The following CNTN4 variants were observed in gnomAD, a reference collection of about 807,000 sequenced individuals.
The protein encoded by CNTN4 is contactin-4.
In CNTN4, 77 loss-of-function variants were observed where a neutral mutation model predicts 122.5. The observed-to-expected ratio is 0.63, with a 90% confidence interval of 0.52 to 0.76. The LOEUF (loss-of-function observed/expected upper bound fraction) is 0.76. Ranked by LOEUF, CNTN4 falls within the 30% of genes least tolerant of loss-of-function variation. The pLI, the probability that CNTN4 is intolerant of heterozygous loss-of-function variation, is 0.00. For missense variants in CNTN4, 1,256 were observed against 1,259.1 expected, an observed-to-expected ratio of 1.00 and a Z score of 0.04; for synonymous variants, 512 against 447.0, an observed-to-expected ratio of 1.15 and a Z score of -1.83.
intron 2 of CNTN4, among the ~76,000 whole-genome samples, chr3:2,324,853 G>A (rs901850386): frequency 6.6e-6 from 1 of 151,942 alleles, no homozygotes. Flanking sequence ...ATCATAAGGA[G>A]TGCTCCCCCC....
intron 2 of CNTN4, among the ~76,000 whole-genome samples, chr3:2,126,598 C>G (rs2034183335): frequency 6.6e-6 from 1 of 152,140 alleles, no homozygotes; most frequent in South Asian, 2.1e-4. Flanking sequence ...ATGGTGTTAG[C>G]TCCTTAGCAC....
At chr3:2,737,273 G>A (rs1045949527) in intron 5 of CNTN4, among the ~76,000 whole-genome samples, 18 of 151,822 alleles carry the variant, frequency 1.2e-4, no homozygotes, top group Admixed American at 4.6e-4. Flanking sequence ...TAGAGATGGG[G>A]TTTCACCATG....
At chr3:2,249,847 C>G (rs969758793) in intron 2 of CNTN4, among the ~76,000 whole-genome samples, 1 of 151,780 alleles carries the variant, frequency 6.6e-6, no homozygotes, top group Non-Finnish European at 1.5e-5. Context: ...ATTCTTATGC[C>G]TTATTTTCTA....
chr3:2,113,981 A>G (rs747981562), intron 2 of CNTN4, among the ~76,000 whole-genome samples: 92 of 152,350 alleles, frequency 6.0e-4, no homozygotes, highest in Non-Finnish European at 1.1e-3. Flanking sequence ...GCATATACAT[A>G]TGAAAAGGCA....
intron 4 of CNTN4, among the ~76,000 whole-genome samples, chr3:2,691,699 G>A (rs1012122235): frequency 1.2e-4 from 19 of 152,162 alleles, no homozygotes; most frequent in African/African-American, 4.6e-4. Flanking sequence ...ACAATAGCAT[G>A]TATGCATAAG....
intron 2 of CNTN4, among the ~76,000 whole-genome samples, chr3:2,197,512 G>A (rs2037902590): frequency 6.6e-6 from 1 of 152,178 alleles, no homozygotes; most frequent in South Asian, 2.1e-4. Context: ...TGTGGGGATA[G>A]GAGTTGCTTT....
intron 13 of CNTN4, among the ~76,000 whole-genome samples, chr3:2,961,454 G>A (rs2094858308): frequency 6.6e-6 from 1 of 152,072 alleles, no homozygotes; most frequent in Admixed American, 6.5e-5. Flanking sequence ...AATGGACAGT[G>A]TCTTGTACAG....
intron 7 of CNTN4, among the ~76,000 whole-genome samples, chr3:2,834,319 C>A (rs1019194445): frequency 1.3e-5 from 2 of 152,176 alleles, no homozygotes; most frequent in East Asian, 3.9e-4. Flanking sequence ...AATCCCAGCA[C>A]TTTGGGAGGC....
intron 6 of CNTN4, among the ~76,000 whole-genome samples, chr3:2,765,475 T>C (rs978553349): frequency 1.3e-5 from 2 of 152,208 alleles, no homozygotes; most frequent in African/African-American, 4.8e-5. Flanking sequence ...GTGAAGTACC[T>C]GGTCTGTAGT....
chr3:2,186,397 G>A (rs1213516767), intron 2 of CNTN4, among the ~76,000 whole-genome samples: 6 of 152,116 alleles, frequency 3.9e-5, no homozygotes, highest in Admixed American at 3.9e-4. Context: ...ACATACGTGT[G>A]CATGTGTGTT....
intron 2 of CNTN4, among the ~76,000 whole-genome samples, chr3:2,113,166 C>G (rs2033090893): frequency 6.6e-6 from 1 of 152,144 alleles, no homozygotes; most frequent in African/African-American, 2.4e-5. Context: ...GGTTGAGCAA[C>G]TGAAGCGGGT....
chr3:3,041,589 AG>A (rs1171278677), intron 20 of CNTN4, among the ~76,000 whole-genome samples: 1 of 152,174 alleles, frequency 6.6e-6, no homozygotes, highest in Admixed American at 6.5e-5. Context: ...CCCAAATTTC[AG>A]TTATTTTTGC....
At chr3:2,589,506 C>T (rs1413252634) in intron 4 of CNTN4, among the ~76,000 whole-genome samples, 2 of 152,182 alleles carry the variant, frequency 1.3e-5, no homozygotes, top group East Asian at 1.9e-4. Context: ...TTCCTTCCCT[C>T]CCACAAAGAT....
chr3:2,871,789 G>T (rs2150884789), intron 8 of CNTN4, among the ~76,000 whole-genome samples: 1 of 152,192 alleles, frequency 6.6e-6, no homozygotes, highest in South Asian at 2.1e-4. Context: ...TATAATTTTT[G>T]ATAATTTTAT....
intron 4 of CNTN4, among the ~76,000 whole-genome samples, chr3:2,654,959 A>G (rs2083519889): frequency 6.6e-6 from 1 of 152,160 alleles, no homozygotes; most frequent in African/African-American, 2.4e-5. Context: ...AATGTATAGA[A>G]CTTTCTGAAT....
intron 13 of CNTN4, among the ~76,000 whole-genome samples, chr3:2,949,379 T>G (rs551520979): frequency 6.6e-6 from 1 of 152,284 alleles, no homozygotes; most frequent in African/African-American, 2.4e-5. Flanking sequence ...TGAAGTTTGT[T>G]TTTTCTGCCT....
intron 2 of CNTN4, among the ~76,000 whole-genome samples, chr3:2,183,457 C>CT (rs201234181): frequency 5.1e-4 from 77 of 152,286 alleles, no homozygotes; most frequent in African/African-American, 1.7e-3. Context: ...TTCCATGGCT[C>CT]TTTTTTTGGG....
At chr3:2,714,776 C>A (rs1242598750) in intron 4 of CNTN4, among the ~76,000 whole-genome samples, 2 of 152,142 alleles carry the variant, frequency 1.3e-5, no homozygotes, top group Non-Finnish European at 2.9e-5. Flanking sequence ...CTCGCTCTGT[C>A]ACCCAGGCTG....
At chr3:2,807,593 T>C (rs751990916) in intron 6 of CNTN4, among the ~76,000 whole-genome samples, 14 of 152,130 alleles carry the variant, frequency 9.2e-5, no homozygotes, top group Non-Finnish European at 1.6e-4. Flanking sequence ...ACAGCCCTCG[T>C]TGAGCCAGTG....
Sources: gnomAD v4.1 joint callset for allele counts (sites outside exome capture counted in the v4.1 genomes callset) on GRCh38, gnomAD v4.1.1 for gene constraint, MANE v1.5 for transcripts, NCBI Gene and HGNC (gene_info 2026-07-23, HGNC 2026-07-21) for gene names.